The following ZSCAN23 variants were observed in gnomAD, a reference collection of about 807,000 sequenced individuals.
ZSCAN23 encodes zinc finger and SCAN domain-containing protein 23.
A neutral mutation model predicts 19.3 loss-of-function variants in ZSCAN23; 19 were observed. That is an observed-to-expected ratio of 0.99 (90% CI 0.69 to 1.45). The LOEUF (loss-of-function observed/expected upper bound fraction) is 1.45, where lower values mean the gene tolerates loss of function less well. Ranked by LOEUF, ZSCAN23 falls within the 40% of genes most tolerant of loss-of-function variation. The pLI is 0.00. For synonymous variants in ZSCAN23, 140 were observed against 166.2 expected, an observed-to-expected ratio of 0.84 and a Z score of 1.21; for missense variants, 372 against 462.5, an observed-to-expected ratio of 0.80 and a Z score of 1.79.
In ZSCAN23 at chr6:28,434,419, A is replaced by T; in HGVS notation, c.*46T>A. The T allele has an allele frequency of 2.7e-6, 4 of 1,486,082 alleles. No homozygotes were observed. The highest frequency in any genetic ancestry group is 3.6e-6 in the Non-Finnish European group (4 of 1,112,718). The allele number at this position is 1,486,082 out of a possible 1,614,324, so 92.1% of individuals were successfully genotyped here. ...TGAACTTTTCTATGCTAGAGGACAC[A>T]GCAGGGACAAAGTAAGAAATATTAT... On this transcript the variant is annotated 3_prime_UTR_variant, in exon 4 of 4. Coordinates refer to ENST00000289788, the MANE Select transcript of ZSCAN23 (RefSeq NM_001012455.2).
chr6:28,437,460 G>C (rs1009200179), intron 1 of ZSCAN23, among the ~76,000 whole-genome samples: 5 of 152,168 alleles, frequency 3.3e-5, no homozygotes, highest in African/African-American at 1.2e-4. Flanking sequence ...GCACACGCCT[G>C]TTATCCCAGC....
chr6:28,435,169 A>C, intron 3 of ZSCAN23, 91 bp from the exon 4 acceptor site: 5 of 1,404,000 alleles, frequency 3.6e-6, no homozygotes, highest in Non-Finnish European at 3.8e-6. Flanking sequence ...GGCCAGGAGA[A>C]TGGGTGGAAG....
At chr6:28,435,752 TC>T in intron 2 of ZSCAN23, 106 bp downstream of exon 2, 1 of 1,425,714 alleles carries the variant, frequency 7.0e-7, no homozygotes, top group Non-Finnish European at 9.3e-7. Flanking sequence ...CTACAGAAGA[TC>T]AAGTCTGGCA....
intron 1 of ZSCAN23, among the ~76,000 whole-genome samples, chr6:28,442,242 T>C (rs1302380915): frequency 2.6e-5 from 4 of 152,200 alleles, no homozygotes; most frequent in Non-Finnish European, 2.9e-5. Flanking sequence ...CAAGCTCATA[T>C]ATGAAATGAG....
At position 28,435,493 on chromosome 6, in the gene ZSCAN23, T is replaced by C. The variant is rs1761860984; in HGVS notation, c.523A>G (p.Asn175Asp). 1.9e-6 allele frequency: 3 copies of C among 1,551,818 alleles called. No homozygotes were observed. The highest frequency in any genetic ancestry group is 2.6e-6 in the Non-Finnish European group (3 of 1,147,064). Reference sequence around the variant, plus strand: ...TGAACTGGGCACACCTCTCGCAAATTATACCCAAGTTGCTCTTCCAAGGTT... The same window carrying C: ...TGAACTGGGCACACCTCTCGCAAATCATACCCAAGTTGCTCTTCCAAGGTT... ...FQTLEEQLGY[N>D]LREVCPVQEI... Residue 175 changes from asparagine (N) to aspartate (D), a missense_variant, in exon 3 of 4, where the codon AAT (asparagine) becomes GAT (aspartate). Physicochemically the swap from Asn to Asp is conservative, Grantham distance 23. Transcript: ENST00000289788.
intron 1 of ZSCAN23, among the ~76,000 whole-genome samples, chr6:28,437,075 G>A (rs1761906688): frequency 6.6e-6 from 1 of 152,124 alleles, no homozygotes; most frequent in African/African-American, 2.4e-5. Flanking sequence ...ACTCCAAAGT[G>A]GTAACACTTA....
intron 1 of ZSCAN23, among the ~76,000 whole-genome samples, chr6:28,441,579 G>A (rs1762002369): frequency 6.6e-6 from 1 of 151,946 alleles, no homozygotes; most frequent in African/African-American, 2.4e-5. Flanking sequence ...TGTACTGTAT[G>A]AGTCCCACCT....
intron 3 of ZSCAN23, among the ~76,000 whole-genome samples, 186 bp downstream of exon 3, chr6:28,435,274 T>A (rs746259406): frequency 1.4e-4 from 21 of 152,238 alleles, no homozygotes; most frequent in Non-Finnish European, 7.3e-5. Context: ...AACTGCTTAC[T>A]TAATTGTCTG....
the ZSCAN23 span, among the ~76,000 whole-genome samples, chr6:28,424,181 C>T: frequency 6.6e-6 from 1 of 152,066 alleles, no homozygotes; most frequent in African/African-American, 2.4e-5. Context: ...ATTTTTTTGC[C>T]TTTCCAGTGC....
the ZSCAN23 span, among the ~76,000 whole-genome samples, chr6:28,424,431 G>A: frequency 1.3e-5 from 2 of 152,138 alleles, no homozygotes; most frequent in Admixed American, 6.5e-5. Context: ...TGACAACACT[G>A]AAGTTTGCTG....
At chr6:28,439,861 A>G (rs761468615) in intron 1 of ZSCAN23, among the ~76,000 whole-genome samples, 8 of 152,240 alleles carry the variant, frequency 5.3e-5, no homozygotes, top group African/African-American at 1.9e-4. Context: ...CAGAATTTAC[A>G]GTCTCCACTG....
chr6:28,435,841 G>A lies in ZSCAN23; in HGVS notation c.408+18C>T, dbSNP rs1324596118. On this transcript the variant is annotated intron_variant, in intron 2 of 3. Transcript: ENST00000289788. ...CTTGTTCTTATAGGTACAAATCCCT[G>A]TTCTCCCATCTTCTCACCTGCTCTC... 5.2e-6 allele frequency: 8 copies of A among 1,551,340 alleles called. No individual in the cohort carries two copies. The South Asian group carries it at 1.0e-4, about 20-fold the overall frequency.
chr6:28,429,890 TA>T (rs1439035771), downstream of ZSCAN23, among the ~76,000 whole-genome samples: 1 of 151,540 alleles, frequency 6.6e-6, no homozygotes, highest in Non-Finnish European at 1.5e-5. Flanking sequence ...CCCAGGACAC[TA>T]AAACCTGAAC....
At chr6:28,442,792 C>A (rs1439401001) in intron 1 of ZSCAN23, among the ~76,000 whole-genome samples, 2 of 152,276 alleles carry the variant, frequency 1.3e-5, no homozygotes, top group Middle Eastern at 3.4e-3. Context: ...TCATTTTCTT[C>A]TTGTATGTTA....
chr6:28,435,530 A>G lies in ZSCAN23; in HGVS notation c.486T>C (p.Asn162=). ...GCTCTTCCAAGGTTTGGAATTGGTC[A>G]TTTGATGACTCCTGAGCTGCTCCTG... ...ATPGAAQESS[N]DQFQTLEEQL... The change falls in exon 3 of 4, where the codon AAT becomes AAC. Residue 162 remains asparagine (N), a synonymous_variant. Coordinates refer to ENST00000289788, the MANE Select transcript of ZSCAN23 (RefSeq NM_001012455.2). The G allele has an allele frequency of 6.4e-7, 1 of 1,551,882 alleles. No individual in the cohort carries two copies. Among genetic ancestry groups the G allele is most frequent in the East Asian group, 2.4e-5 (1 of 40,912 alleles).
chr6:28,427,308 T>C (rs890046548), downstream of ZSCAN23, among the ~76,000 whole-genome samples: 3 of 152,226 alleles, frequency 2.0e-5, no homozygotes, highest in African/African-American at 7.2e-5. Context: ...TGTTCTTCCA[T>C]AAGTTGGTTT....
At position 28,433,567 on chromosome 6, in the gene ZSCAN23, T is replaced by G. The variant is rs1761804824; in HGVS notation, c.*898A>C. 6.7e-6 allele frequency: 1 copy of G among 148,722 alleles called. No homozygotes were observed. Among genetic ancestry groups the G allele is most frequent in the Non-Finnish European group, 1.5e-5 (1 of 67,406 alleles). 9.2% of individuals were successfully genotyped at this position (148,722 alleles called of 1,614,324 possible). A position where few individuals can be genotyped will look rare whatever the true frequency, so the allele number is the denominator to read the frequency against. ...TCAATGTTAAGGGAAATAAATTTTTTTATTTATGATCTTGGTGGTAATCAA... is the reference window on the plus strand; with the variant it reads ...TCAATGTTAAGGGAAATAAATTTTTGTATTTATGATCTTGGTGGTAATCAA... On this transcript the variant is annotated 3_prime_UTR_variant, in exon 4 of 4. Coordinates refer to ENST00000289788, the MANE Select transcript of ZSCAN23 (RefSeq NM_001012455.2).
In ZSCAN23 at chr6:28,443,441, T is replaced by G. The variant is rs1417948605; in HGVS notation, c.-120A>C. 6.6e-6 allele frequency: 1 copy of G among 152,236 alleles called. No homozygotes were observed. Among genetic ancestry groups the G allele is most frequent in the East Asian group, 1.9e-4 (1 of 5,190 alleles). The allele number at this position is 152,236 out of a possible 1,614,324, so 9.4% of individuals were successfully genotyped here. A position where few individuals can be genotyped will look rare whatever the true frequency, so the allele number is the denominator to read the frequency against. On this transcript the variant is annotated 5_prime_UTR_variant, in exon 1 of 4. The change abolishes an upstream ATG in the 5' untranslated region. Coordinates refer to ENST00000289788, the MANE Select transcript of ZSCAN23 (RefSeq NM_001012455.2). ...GAGATGCCACCTAGCGCAGATCACA[T>G]CTGCTCTGAATCCTTGACAACCGCA...
At chr6:28,435,159 G>A in intron 3 of ZSCAN23, 81 bp from the exon 4 acceptor site, 1 of 1,436,478 alleles carries the variant, frequency 7.0e-7, no homozygotes, top group Non-Finnish European at 9.2e-7. Context: ...GAAAAAAAGT[G>A]GCCAGGAGAA....
Sources: allele counts gnomAD v4.1 joint callset (sites outside exome capture counted in the v4.1 genomes callset), GRCh38; gene constraint gnomAD v4.1.1; transcripts MANE v1.5; gene names NCBI Gene and HGNC (gene_info 2026-07-23, HGNC 2026-07-21).